NETO2: variants seen among roughly 807,000 people sequenced by gnomAD.
NETO2 encodes neuropilin and tolloid like 2.
A neutral mutation model predicts 62.5 loss-of-function variants in NETO2; 28 were observed. That is an observed-to-expected ratio of 0.45 (90% confidence interval 0.33 to 0.61). The LOEUF is 0.61. NETO2 is among the 20% of genes least tolerant of loss of function. The probability of loss-of-function intolerance (pLI) is 0.02; values close to 1 mark genes in which losing one functional copy is unlikely to be tolerated. For missense variants in NETO2, 548 were observed against 643.2 expected, an observed-to-expected ratio of 0.85 and a Z score of 1.60; for synonymous variants, 214 against 219.1, an observed-to-expected ratio of 0.98 and a Z score of 0.21.
chr16:47,083,134 A>T lies in NETO2; in HGVS notation c.*87T>A. ...AAGGTCTTCGTAGTTGTGATGGGAGAAAAGGGTTGGCTGCTGGAAACAGTA... is the reference window on the plus strand; with the variant it reads ...AAGGTCTTCGTAGTTGTGATGGGAGTAAAGGGTTGGCTGCTGGAAACAGTA... On this transcript the variant is annotated 3_prime_UTR_variant, in exon 9 of 9. Coordinates refer to ENST00000562435, the MANE Select transcript of NETO2 (RefSeq NM_018092.5). 8.3e-7 allele frequency: 1 copy of T among 1,203,670 alleles called. No homozygotes were observed. Among genetic ancestry groups the T allele is most frequent in the Non-Finnish European group, 1.2e-6 (1 of 849,542 alleles). 74.6% of individuals were successfully genotyped at this position (1,203,670 alleles called of 1,614,324 possible).
Position 47,083,456 on chromosome 16 carries a change from T to C in NETO2, c.1343A>G (p.Lys448Arg). 1 of 1,614,176 alleles carries C rather than the reference T, an allele frequency of 6.2e-7. No homozygotes were observed. Among genetic ancestry groups the C allele is most frequent in the Non-Finnish European group, 8.5e-7 (1 of 1,180,022 alleles). ...GGAACTGAGGTTGGTCCTGCTTTGT[T>C]TGACGCTGGAGGCCTGCGACCCACA... is the stretch of plus-strand genomic sequence containing the variant. ...HHCGSQASSVKQSRTNLSSME... is the reference protein window; with the variant it reads ...HHCGSQASSVRQSRTNLSSME... The change falls in exon 9 of 9, where the codon AAA becomes AGA. Residue 448 changes from lysine to arginine, a missense_variant. Transcript: ENST00000562435.
At chr16:47,143,453 GC>G in intron 1 of NETO2, 125 bp downstream of exon 1, 2 of 1,118,928 alleles carry the variant, frequency 1.8e-6, no homozygotes, top group Non-Finnish European at 2.2e-6. Context: ...GTAGCCGCGA[GC>G]CCCGCCAGAC....
chr16:47,142,325 T>TA (rs1964476560), intron 1 of NETO2, among the ~76,000 whole-genome samples: 1 of 152,250 alleles, frequency 6.6e-6, no homozygotes, highest in Non-Finnish European at 1.5e-5. Flanking sequence ...AAGCTGTAGA[T>TA]ACGTTTACAG....
chr16:47,106,729 T>C lies in NETO2; in HGVS notation c.883+2754A>G, dbSNP rs12597326. ...TGTATACAATGCTGTACTATGCAGC[T>C]ATAAAATAAAAATGTGCTCTATGAA... is the stretch of plus-strand genomic sequence containing the variant. On this transcript the variant is annotated intron_variant, in intron 7 of 8. Coordinates refer to ENST00000562435, the MANE Select transcript of NETO2 (RefSeq NM_018092.5). 7.7e-4 allele frequency among the ~76,000 whole-genome samples: 117 copies of C among 152,218 alleles called. No homozygotes were observed. The East Asian group carries it at 0.022, about 29-fold the overall frequency.
At chr16:47,142,337 G>T (rs1240627958) in intron 1 of NETO2, among the ~76,000 whole-genome samples, 1 of 152,136 alleles carries the variant, frequency 6.6e-6, no homozygotes, top group Non-Finnish European at 1.5e-5. Context: ...CGTTTACAGT[G>T]GGGTAGTTAA....
chr16:47,129,787 G>T (rs969226033), intron 2 of NETO2, among the ~76,000 whole-genome samples: 4 of 152,168 alleles, frequency 2.6e-5, no homozygotes, highest in African/African-American at 9.7e-5. Flanking sequence ...GAAGACTGTA[G>T]ACTAAATACA....
chr16:47,135,766 A>G (rs986681017), intron 1 of NETO2, among the ~76,000 whole-genome samples: 2 of 152,088 alleles, frequency 1.3e-5, no homozygotes, highest in African/African-American at 4.8e-5. Flanking sequence ...AAAAAAAAAA[A>G]GGTCAAATTT....
intron 1 of NETO2, among the ~76,000 whole-genome samples, chr16:47,136,898 T>C (rs1964370576): frequency 6.6e-6 from 1 of 152,010 alleles, no homozygotes; most frequent in Non-Finnish European, 1.5e-5. Context: ...GAAGAGCACC[T>C]TCATTTACTA....
intron 2 of NETO2, among the ~76,000 whole-genome samples, chr16:47,131,088 A>T (rs1964258404): frequency 6.6e-6 from 1 of 152,008 alleles, no homozygotes; most frequent in African/African-American, 2.4e-5. Flanking sequence ...AAAAAAAAAA[A>T]GATTTCCTAA....
intron 7 of NETO2, among the ~76,000 whole-genome samples, chr16:47,102,896 T>C (rs1394122015): frequency 6.6e-6 from 1 of 152,144 alleles, no homozygotes; most frequent in Admixed American, 6.5e-5. Flanking sequence ...TCCTCAAGGA[T>C]CTAGAACCAG....
intron 7 of NETO2, among the ~76,000 whole-genome samples, chr16:47,107,599 A>G (rs1963701692): frequency 6.6e-6 from 1 of 152,220 alleles, no homozygotes; most frequent in East Asian, 1.9e-4. Context: ...CGGCTGGTCC[A>G]GCGTTGGGTC....
chr16:47,083,635 C>T lies in NETO2; in HGVS notation c.1164G>A (p.Gly388=), dbSNP rs780602980. ...GAGGAGGATCAAACACTTCTTGGAA[C>T]CCGGTTTTATTAAAAGCGGTTTTGC... ...MACKTAFNKT[G]FQEVFDPPHY... is the part of the protein sequence containing the mutation. The change falls in exon 9 of 9, where the codon GGG becomes GGA. Residue 388 remains glycine, a synonymous_variant. Coordinates refer to ENST00000562435, the MANE Select transcript of NETO2 (RefSeq NM_018092.5). 5 of 1,614,168 alleles carry T rather than the reference C, an allele frequency of 3.1e-6. No individual in the cohort carries two copies. In the East Asian group the frequency reaches 6.7e-5, roughly 22 times the overall value.
At chr16:47,093,426 C>T (rs534745676) in intron 7 of NETO2, among the ~76,000 whole-genome samples, 4 of 152,290 alleles carry the variant, frequency 2.6e-5, no homozygotes, top group East Asian at 3.9e-4. Flanking sequence ...ACAGGAGAAC[C>T]CTTTATGTCT....
chr16:47,084,319 T>C (rs551819764), intron 8 of NETO2, among the ~76,000 whole-genome samples: 12 of 152,204 alleles, frequency 7.9e-5, no homozygotes, highest in African/African-American at 1.2e-4. Context: ...TCAGATTAGA[T>C]CACCTTTCCA....
In NETO2 at chr16:47,120,938, C is replaced by T. The variant is rs144624087; in HGVS notation, c.654+1719G>A. On this transcript the variant is annotated intron_variant, in intron 6 of 8. Coordinates refer to ENST00000562435, the MANE Select transcript of NETO2 (RefSeq NM_018092.5). ...TTTTCATGTCAGATAGGCAATGTGC[C>T]GACATGGTAACAAGGCTGGAGGGAG... Among the ~76,000 whole-genome samples, 40 of 151,696 alleles carry T rather than the reference C, an allele frequency of 2.6e-4. No individual in the cohort carries two copies. The Middle Eastern group carries it at 0.014, about 52-fold the overall frequency.
At chr16:47,134,775 G>A (rs1360691155) in intron 1 of NETO2, among the ~76,000 whole-genome samples, 1 of 152,204 alleles carries the variant, frequency 6.6e-6, no homozygotes, top group African/African-American at 2.4e-5. Flanking sequence ...AACTGTGCCA[G>A]CACAATTACG....
chr16:47,108,278 G>A (rs1304202460), intron 7 of NETO2, among the ~76,000 whole-genome samples: 2 of 152,148 alleles, frequency 1.3e-5, no homozygotes, highest in African/African-American at 4.8e-5. Context: ...ACTGTTACAG[G>A]CAGAAGCCAA....
chr16:47,110,028 G>GA (rs1263901941), intron 6 of NETO2, among the ~76,000 whole-genome samples: 1 of 152,092 alleles, frequency 6.6e-6, no homozygotes, highest in East Asian at 1.9e-4. Flanking sequence ...GGACAGGGGA[G>GA]AAAATAAAAT....
chr16:47,109,220 C>T (rs1448388120), intron 7 of NETO2, among the ~76,000 whole-genome samples: 1 of 152,058 alleles, frequency 6.6e-6, no homozygotes, highest in Non-Finnish European at 1.5e-5. Flanking sequence ...GCAGTCTCAG[C>T]TACTTGGGAG....
Sources: gnomAD v4.1 joint callset for allele counts (sites outside exome capture counted in the v4.1 genomes callset) on GRCh38, gnomAD v4.1.1 for gene constraint, MANE v1.5 for transcripts, NCBI Gene and HGNC (gene_info 2026-07-23, HGNC 2026-07-21) for gene names.